The following CSMD3 variants were observed in gnomAD, a reference collection of about 807,000 sequenced individuals.
The protein encoded by CSMD3 is CUB and sushi domain-containing protein 3.
CSMD3 carries 177 observed loss-of-function variants against 435.2 expected under a neutral mutation model. The ratio of observed to expected loss-of-function variants is 0.41; its 90% CI spans 0.36 to 0.46. The LOEUF is 0.46. Ranked by LOEUF, CSMD3 falls within the 20% of genes least tolerant of loss-of-function variation. The pLI is 0.34. For synonymous variants in CSMD3, 1,656 were observed against 1,520.5 expected, an observed-to-expected ratio of 1.09 and a Z score of -2.07; for missense variants, 4,265 against 4,504.6, an observed-to-expected ratio of 0.95 and a Z score of 1.52.
rs1056891329 is a variant in CSMD3, at chr8:112,295,938, C to G, written c.8509G>C (p.Asp2837His). 9.9e-6 allele frequency: 16 copies of G among 1,612,520 alleles called. No homozygotes were observed. In the African/African-American group the frequency reaches 2.0e-4, roughly 20 times the overall value. ...QVIGENYGYR[D>H]TVVYQCNPGF... ...GGATTACATTGATATACAACTGTGT[C>G]TCTATATCCATAATTTTCTCCAATG... The change falls in exon 54 of 71, where the codon GAC (aspartate) becomes CAC (histidine). Residue 2837 changes from aspartate (D) to histidine (H), a missense_variant. Physicochemically the swap from Asp to His is moderately conservative, Grantham distance 81. Transcript: ENST00000297405.
At chr8:113,350,147 T>C (rs58426306) in intron 1 of CSMD3, among the ~76,000 whole-genome samples, 16,263 of 151,888 alleles carry the variant, frequency 0.11, 989 homozygotes, top group Middle Eastern at 0.17. Context: ...GCAGAGGTCA[T>C]AGATAAAGGC....
At chr8:113,290,196 T>G (rs771359447) in intron 2 of CSMD3, among the ~76,000 whole-genome samples, 13 of 151,668 alleles carry the variant, frequency 8.6e-5, no homozygotes, top group Non-Finnish European at 1.5e-4. Flanking sequence ...GACTTAAATA[T>G]TTTTAAAAAA....
In CSMD3 at chr8:112,804,347, T is replaced by C. The variant is rs367716735; in HGVS notation, c.1860-4073A>G. Reference sequence around the variant, plus strand: ...AAATAAATTAAAAAAAAAACTGATATGTTAATTATCCAGTAAGAACTATTT... The same window carrying C: ...AAATAAATTAAAAAAAAAACTGATACGTTAATTATCCAGTAAGAACTATTT... On this transcript the variant is annotated intron_variant, in intron 12 of 70. Transcript: ENST00000297405. 1.1e-4 allele frequency among the ~76,000 whole-genome samples: 16 copies of C among 152,028 alleles called. 1 individual carries two copies. In the East Asian group the frequency reaches 2.5e-3, roughly 24 times the overall value.
chr8:112,968,440 T>A, intron 7 of CSMD3, among the ~76,000 whole-genome samples: 1 of 151,826 alleles, frequency 6.6e-6, no homozygotes, highest in East Asian at 1.9e-4. Context: ...AATTCACTGC[T>A]TCTAGTAGCA....
At chr8:113,420,933 TA>T (rs540357843) in intron 1 of CSMD3, among the ~76,000 whole-genome samples, 140 of 143,022 alleles carry the variant, frequency 9.8e-4, no homozygotes, top group Middle Eastern at 3.6e-3. Context: ...AGATTCCGTT[TA>T]AAAAAAAAAA....
rs2131588703 is a variant in CSMD3, at chr8:112,638,737, T to C, written c.3485A>G (p.Asp1162Gly). Reference sequence around the variant, plus strand: ...AAATCCTTCATATGATATTGAAAAATCTGAAATGAAACGCAATTGAGCCCT... The same window carrying C: ...AAATCCTTCATATGATATTGAAAAACCTGAAATGAAACGCAATTGAGCCCT... ...NFRAQLRFIS[D>G]FSISYEGFNI... is the part of the protein sequence containing the mutation. Residue 1162 changes from aspartate to glycine, a missense_variant, in exon 21 of 71, where the codon GAT becomes GGT. Asp to Gly is a moderately conservative substitution (Grantham distance 94, BLOSUM62 -1). Coordinates refer to ENST00000297405, the MANE Select transcript of CSMD3 (RefSeq NM_198123.2). 3 of 1,608,764 alleles carry C rather than the reference T, an allele frequency of 1.9e-6. No homozygotes were observed. Among genetic ancestry groups the C allele is most frequent in the African/African-American group, 1.3e-5 (1 of 74,848 alleles).
chr8:113,166,432 G>T (rs1462915457), intron 4 of CSMD3, among the ~76,000 whole-genome samples: 1 of 152,118 alleles, frequency 6.6e-6, no homozygotes, highest in Non-Finnish European at 1.5e-5. Flanking sequence ...TTGAACCCGG[G>T]AGATGGAGGT....
chr8:113,348,481 C>T (rs2094166832), intron 1 of CSMD3, among the ~76,000 whole-genome samples: 1 of 151,976 alleles, frequency 6.6e-6, no homozygotes. Flanking sequence ...TGCAAAGATG[C>T]CTCTCTTTAC....
intron 3 of CSMD3, among the ~76,000 whole-genome samples, chr8:113,277,768 G>A (rs1246676093): frequency 1.3e-5 from 2 of 151,874 alleles, no homozygotes; most frequent in Admixed American, 6.6e-5. Context: ...AAATTAGATG[G>A]AAATTTTATT....
chr8:113,305,590 T>C (rs1290593866), intron 2 of CSMD3, among the ~76,000 whole-genome samples: 1 of 152,238 alleles, frequency 6.6e-6, no homozygotes, highest in Non-Finnish European at 1.5e-5. Context: ...TAATTTAGTC[T>C]ATTTCTTCAC....
At chr8:113,217,807 T>C (rs983733244) in intron 3 of CSMD3, among the ~76,000 whole-genome samples, 3 of 151,242 alleles carry the variant, frequency 2.0e-5, no homozygotes, top group Non-Finnish European at 4.4e-5. Context: ...TAAGATATGA[T>C]GGCCCAAATA....
At chr8:112,476,454 T>TTA (rs1819062120) in intron 31 of CSMD3, among the ~76,000 whole-genome samples, 1 of 152,210 alleles carries the variant, frequency 6.6e-6, no homozygotes, top group Admixed American at 6.5e-5. Flanking sequence ...GAGACTTTAG[T>TTA]AAGTTTTAGG....
intron 59 of CSMD3, among the ~76,000 whole-genome samples, chr8:112,277,706 GAC>G (rs1409781435): frequency 6.6e-6 from 1 of 152,068 alleles, no homozygotes; most frequent in Non-Finnish European, 1.5e-5. Flanking sequence ...AGATTTAATG[GAC>G]TCACAGTTCC....
intron 22 of CSMD3, among the ~76,000 whole-genome samples, chr8:112,629,887 T>C (rs1683216587): frequency 6.6e-6 from 1 of 152,178 alleles, no homozygotes; most frequent in Non-Finnish European, 1.5e-5. Context: ...TGTTACCTTC[T>C]ATAAAACTTC....
chr8:112,562,066 G>A (rs560686662), intron 24 of CSMD3, among the ~76,000 whole-genome samples: 88 of 151,550 alleles, frequency 5.8e-4, no homozygotes, highest in Non-Finnish European at 1.1e-3. Context: ...TGTTTTTATA[G>A]GGCATGCACT....
chr8:112,941,692 A>T (rs2083455625), intron 9 of CSMD3, among the ~76,000 whole-genome samples: 1 of 151,854 alleles, frequency 6.6e-6, no homozygotes, highest in Non-Finnish European at 1.5e-5. Flanking sequence ...GTAACATATT[A>T]TCATTAAAAT....
chr8:113,063,686 T>C (rs187819979), intron 5 of CSMD3, among the ~76,000 whole-genome samples: 115 of 152,060 alleles, frequency 7.6e-4, no homozygotes, highest in Admixed American at 1.7e-3. Context: ...TCTCTATTTG[T>C]TGGAAACATG....
At chr8:113,046,516 C>G (rs1224388171) in intron 5 of CSMD3, among the ~76,000 whole-genome samples, 4 of 127,424 alleles carry the variant, frequency 3.1e-5, no homozygotes, top group Non-Finnish European at 7.8e-5. Flanking sequence ...GAGTCAGTCA[C>G]AAGAGGCCCC....
chr8:112,743,795 A>G (rs1221733591), intron 13 of CSMD3, among the ~76,000 whole-genome samples: 1 of 152,040 alleles, frequency 6.6e-6, no homozygotes, highest in African/African-American at 2.4e-5. Flanking sequence ...ATATAAATAA[A>G]ATCGTTCTGA....
Sources: gnomAD v4.1 joint callset for allele counts (sites outside exome capture counted in the v4.1 genomes callset) on GRCh38, gnomAD v4.1.1 for gene constraint, MANE v1.5 for transcripts, NCBI Gene and HGNC (gene_info 2026-07-23, HGNC 2026-07-21) for gene names.